Variants in GTF2IRD1 observed in about 807,000 individuals in gnomAD.
The protein encoded by GTF2IRD1 is GTF2I repeat domain containing 1, also known as general transcription factor II-I repeat domain-containing protein 1.
A neutral mutation model predicts 113.2 loss-of-function variants in GTF2IRD1; 26 were observed. That is an observed-to-expected ratio of 0.23 (90% CI 0.17 to 0.32). The LOEUF (loss-of-function observed/expected upper bound fraction) is 0.32, where lower values mean the gene tolerates loss of function less well. Among genes scored for constraint, GTF2IRD1 ranks in the 10% least tolerant of loss-of-function variants. The pLI is 1.00. For missense variants in GTF2IRD1, 864 were observed against 1,280.8 expected, an observed-to-expected ratio of 0.67 and a Z score of 4.97; for synonymous variants, 484 against 529.1, an observed-to-expected ratio of 0.91 and a Z score of 1.17.
intron 17 of GTF2IRD1, 33 bp downstream of exon 17, chr7:74,547,319 C>A: frequency 6.5e-7 from 1 of 1,538,728 alleles, no homozygotes; most frequent in South Asian, 1.1e-5. Context: ...GGAGACAGCA[C>A]CGGCCCTGCT....
intron 1 of GTF2IRD1, among the ~76,000 whole-genome samples, chr7:74,495,349 C>T (rs1554337601): frequency 6.6e-6 from 1 of 152,166 alleles, no homozygotes; most frequent in Non-Finnish European, 1.5e-5. Context: ...AGCACTTCGG[C>T]GTTCTGCTCC....
At chr7:74,524,441 G>A (rs1225977285) in intron 8 of GTF2IRD1, among the ~76,000 whole-genome samples, 1 of 152,166 alleles carries the variant, frequency 6.6e-6, no homozygotes, top group African/African-American at 2.4e-5. Flanking sequence ...TACCCATCTG[G>A]GGGCCGGGCG....
intron 22 of GTF2IRD1, among the ~76,000 whole-genome samples, chr7:74,574,538 A>T (rs1400713340): frequency 2.0e-5 from 3 of 147,942 alleles, no homozygotes; most frequent in African/African-American, 7.5e-5. Context: ...GGCTCACTGC[A>T]TCCTCGACCT....
chr7:74,519,516 A>G lies in GTF2IRD1; in HGVS notation c.713A>G (p.Lys238Arg). Reference sequence around the variant, plus strand: ...TGTGGCCTGCATGGCCAGGCCCCCAAGGTGCCACCCCAGGACCTGCCCCCA... The same window carrying G: ...TGTGGCCTGCATGGCCAGGCCCCCAGGGTGCCACCCCAGGACCTGCCCCCA... ...RDCGLHGQAP[K>R]VPPQDLPPTA... The change falls in exon 6 of 27, where the codon AAG becomes AGG. Residue 238 changes from lysine (K) to arginine (R), a missense_variant. This residue lies in a region of GTF2IRD1 where 195 missense variants were observed against 196.6 expected (regional missense o/e 0.99). Transcript: ENST00000424337. The G allele has an allele frequency of 6.2e-7, 1 of 1,611,128 alleles. No homozygotes were observed. The highest frequency in any genetic ancestry group is 8.5e-7 in the Non-Finnish European group (1 of 1,178,746).
intron 13 of GTF2IRD1, 23 bp downstream of exon 13, chr7:74,538,783 C>G: frequency 7.7e-7 from 1 of 1,298,166 alleles, no homozygotes; most frequent in East Asian, 2.3e-5. Context: ...CATCTGACCA[C>G]CCCCTGCAGA....
intron 25 of GTF2IRD1, among the ~76,000 whole-genome samples, chr7:74,595,332 G>A (rs1427344056): frequency 6.6e-6 from 1 of 151,648 alleles, no homozygotes; most frequent in Admixed American, 6.6e-5. Flanking sequence ...CGTGAACCCG[G>A]GAGGCAGAGG....
Position 74,512,011 on chromosome 7 carries a change from A to C in GTF2IRD1, c.124-819A>C, listed in dbSNP as rs1165982144. Among the ~76,000 whole-genome samples, 2 of 152,054 alleles carry C rather than the reference A, an allele frequency of 1.3e-5. No homozygotes were observed. The highest frequency in any genetic ancestry group is 2.9e-5 in the Non-Finnish European group (2 of 68,012). On this transcript the variant is annotated intron_variant, in intron 2 of 26. Coordinates refer to ENST00000424337, the MANE Select transcript of GTF2IRD1 (RefSeq NM_005685.4). This position sits in a 1 kb window ranked among gnomAD's most constrained non-coding sequence, Gnocchi z 4.4. ...CTCCAACCATTGAATCCCCATACCC[A>C]AGCCCAGTGGCACTGTGGAACTGGG...
At chr7:74,553,819 G>A (rs1799450823) in intron 17 of GTF2IRD1, among the ~76,000 whole-genome samples, 1 of 152,130 alleles carries the variant, frequency 6.6e-6, no homozygotes, top group Admixed American at 6.6e-5. Flanking sequence ...TTTACTGCTG[G>A]GAAGTCACTT....
chr7:74,539,605 A>T (rs1798507422), intron 13 of GTF2IRD1, among the ~76,000 whole-genome samples: 1 of 151,770 alleles, frequency 6.6e-6, no homozygotes, highest in South Asian at 2.1e-4. Context: ...TAAGCCAGGC[A>T]TGGTGGCTCA....
Position 74,489,147 on chromosome 7 carries a change from GA to G in GTF2IRD1, c.-6-18919del, listed in dbSNP as rs1164410446. Among the ~76,000 whole-genome samples, 8 of 149,558 alleles carry G rather than the reference GA, an allele frequency of 5.3e-5. No homozygotes were observed. In the South Asian group the frequency reaches 1.5e-3, roughly 28 times the overall value. On this transcript the variant is annotated intron_variant, in intron 1 of 26. Transcript: ENST00000424337. ...ACAGGGTAAGACTCCATCTCAAAAA[GA>G]AAAAAAAAGACTTTTACTGTTTCAC...
At chr7:74,471,052 G>A (rs1554332193) in intron 1 of GTF2IRD1, among the ~76,000 whole-genome samples, 2 of 152,236 alleles carry the variant, frequency 1.3e-5, no homozygotes, top group East Asian at 1.9e-4. Context: ...TGATCTGCCC[G>A]CCTCAGCCTC....
In GTF2IRD1 at chr7:74,510,960, A is replaced by T. The variant is rs576142908; in HGVS notation, c.124-1870A>T. Reference sequence around the variant, plus strand: ...GCTATTCGGGAGGCCGAGGCAGGAGAATCGCCTGAGCCTGGGAGGCAGAGG... The same window carrying T: ...GCTATTCGGGAGGCCGAGGCAGGAGTATCGCCTGAGCCTGGGAGGCAGAGG... On this transcript the variant is annotated intron_variant, in intron 2 of 26. Coordinates refer to ENST00000424337, the MANE Select transcript of GTF2IRD1 (RefSeq NM_005685.4). Among the ~76,000 whole-genome samples, 6 of 152,054 alleles carry T rather than the reference A, an allele frequency of 3.9e-5. No homozygotes were observed. The East Asian group carries it at 1.2e-3, about 30-fold the overall frequency.
intron 8 of GTF2IRD1, among the ~76,000 whole-genome samples, 157 bp from the exon 9 acceptor site, chr7:74,529,577 A>T (rs1180606629): frequency 2.0e-5 from 3 of 152,032 alleles, no homozygotes; most frequent in Non-Finnish European, 2.9e-5. Flanking sequence ...CTAACAGAAA[A>T]GTGATATGAT....
chr7:74,585,118 T>G (rs1241883813), intron 22 of GTF2IRD1, among the ~76,000 whole-genome samples: 7 of 149,022 alleles, frequency 4.7e-5, no homozygotes, highest in South Asian at 4.3e-4. Flanking sequence ...GTGTTTTTTT[T>G]TTTTTTTTTT....
intron 4 of GTF2IRD1, among the ~76,000 whole-genome samples, chr7:74,516,913 C>T (rs182203887): frequency 1.3e-4 from 20 of 152,248 alleles, no homozygotes; most frequent in African/African-American, 2.9e-4. Flanking sequence ...GTCCTCAGTC[C>T]CCAGCCTGCC....
intron 22 of GTF2IRD1, among the ~76,000 whole-genome samples, chr7:74,574,611 C>T (rs1299588721): frequency 6.6e-6 from 1 of 151,598 alleles, no homozygotes; most frequent in African/African-American, 2.4e-5. Flanking sequence ...AGGCGTGCAC[C>T]ACCGTGCCAG....
At chr7:74,575,092 A>G (rs1163704320) in intron 22 of GTF2IRD1, among the ~76,000 whole-genome samples, 2 of 24,304 alleles carry the variant, frequency 8.2e-5, no homozygotes, top group Non-Finnish European at 1.4e-4. Flanking sequence ...CTCCGTCTCA[A>G]AATACAAAAA....
chr7:74,559,892 G>T (rs1424302305), intron 22 of GTF2IRD1, among the ~76,000 whole-genome samples: 1 of 152,024 alleles, frequency 6.6e-6, no homozygotes, highest in African/African-American at 2.4e-5. Context: ...CAATTCTCCT[G>T]CCTCAGACTC....
At chr7:74,524,267 C>T (rs1246257910) in intron 8 of GTF2IRD1, 113 bp downstream of exon 8, 7 of 630,190 alleles carry the variant, frequency 1.1e-5, no homozygotes, top group South Asian at 3.7e-5. Context: ...TGCTGGCTCC[C>T]GCGCGCCGGC....
Sources: gnomAD v4.1 joint callset for allele counts (sites outside exome capture counted in the v4.1 genomes callset) on GRCh38, gnomAD v4.1.1 for gene constraint, gnomAD v4.1.1 regional missense constraint, Gnocchi (gnomAD v3.1) non-coding constraint, MANE v1.5 for transcripts, NCBI Gene and HGNC (gene_info 2026-07-23, HGNC 2026-07-21) for gene names.